The following ZNF547 variants were observed in gnomAD, a reference collection of about 807,000 sequenced individuals.
ZNF547 encodes the protein zinc finger protein 547.
Under a neutral mutation model 7.7 loss-of-function variants are expected in ZNF547, and 4 were observed. That is an observed-to-expected ratio of 0.52 (90% CI 0.26 to 1.20). The LOEUF is 1.20. ZNF547 is among the 50% of genes most tolerant of loss of function. The probability of loss-of-function intolerance (pLI) is 0.14; values close to 1 mark genes in which losing one functional copy is unlikely to be tolerated. For synonymous variants in ZNF547, 166 were observed against 166.2 expected, an observed-to-expected ratio of 1.00 and a Z score of 0.01; for missense variants, 449 against 485.8, an observed-to-expected ratio of 0.92 and a Z score of 0.71.
chr19:57,369,899 C>CTTTTTTTTTGTTTTTTTTTTTT (rs2088493828), intron 2 of ZNF547, among the ~76,000 whole-genome samples: 1 of 51,678 alleles, frequency 1.9e-5, no homozygotes, highest in African/African-American at 7.8e-5. Context: ...ACTCACAGTT[C>CTTTTTTTTTGTTTTTTTTTTTT]TTTTTTTTTT....
At chr19:57,374,985 G>C (rs888344012) in intron 3 of ZNF547, among the ~76,000 whole-genome samples, 2 of 152,008 alleles carry the variant, frequency 1.3e-5, no homozygotes, top group African/African-American at 2.4e-5. Flanking sequence ...CCACATTTTC[G>C]GGTATCCTTA....
At chr19:57,364,496 A>C (rs2088448148) in intron 1 of ZNF547, 3 of 368,588 alleles carry the variant, frequency 8.1e-6, no homozygotes, top group Non-Finnish European at 1.5e-5. Flanking sequence ...TAATCCCAGC[A>C]CTTTGGGAGG....
Position 57,377,874 on chromosome 19 carries a change from G to T in ZNF547, c.898G>T (p.Glu300Ter), listed in dbSNP as rs765554171. 17 of 1,613,146 alleles carry T rather than the reference G, an allele frequency of 1.1e-5. No individual in the cohort carries two copies. Among genetic ancestry groups the T allele is most frequent in the Non-Finnish European group, 3.4e-6 (4 of 1,179,814 alleles). Residue 300 changes from glutamate (E) to a stop codon, truncating the protein, a stop_gained, in exon 4 of 4, where the codon GAA becomes TAA. Transcript: ENST00000282282. LOFTEE classifies it low-confidence loss of function (END_TRUNC). ...AGGAAAAAGGTCTTATGGTTGCAGT[G>T]AATGTGGGAAATTCTTTATGGAAAG... ...HTGKRSYGCS[E>*]CGKFFMERST...
chr19:57,364,725 A>G, intron 1 of ZNF547: 1 of 924,454 alleles, frequency 1.1e-6, no homozygotes, highest in South Asian at 1.5e-5. Flanking sequence ...TGGGCGACAG[A>G]GCGAGATTCC....
intron 2 of ZNF547, 44 bp downstream of exon 2, chr19:57,368,623 A>AT: frequency 6.2e-7 from 1 of 1,609,586 alleles, no homozygotes; most frequent in South Asian, 1.1e-5. Context: ...GTTATCTCAT[A>AT]GATGGTTTTG....
At position 57,363,567 on chromosome 19, in the gene ZNF547, G is replaced by A. The variant is rs781713961; in HGVS notation, c.-149G>A. The A allele has an allele frequency of 5.2e-5, 8 of 152,738 alleles. No individual in the cohort carries two copies. Among genetic ancestry groups the A allele is most frequent in the African/African-American group, 1.9e-4 (8 of 41,468 alleles). 9.5% of individuals were successfully genotyped at this position (152,738 alleles called of 1,614,324 possible). A position where few individuals can be genotyped will look rare whatever the true frequency, so the allele number is the denominator to read the frequency against. Reference sequence around the variant, plus strand: ...TGGTTCCTTGTACGCAGAGGCGGTAGTGACACAGGCACAACTGACAGTGGC... The same window carrying A: ...TGGTTCCTTGTACGCAGAGGCGGTAATGACACAGGCACAACTGACAGTGGC... On this transcript the variant is annotated 5_prime_UTR_variant, in exon 1 of 4. The change creates a new upstream start codon in the 5' untranslated region. Coordinates refer to ENST00000282282, the MANE Select transcript of ZNF547 (RefSeq NM_173631.4).
At chr19:57,366,218 G>A (rs2088468656) in intron 1 of ZNF547, among the ~76,000 whole-genome samples, 2 of 147,660 alleles carry the variant, frequency 1.4e-5, no homozygotes, top group Admixed American at 1.4e-4. Context: ...GTGTGTGTAT[G>A]TTTTTGTTTT....
rs2088543345 is a variant in ZNF547, at chr19:57,377,408, GA to G, written c.434del (p.Lys145ArgfsTer191). 6.2e-7 allele frequency: 1 copy of G among 1,614,250 alleles called. No homozygotes were observed. The highest frequency in any genetic ancestry group is 8.5e-7 in the Non-Finnish European group (1 of 1,180,040). ...RGDGGRPTFV[K>X]NHRVHMAGKT... ...GGGATGGAGGAAGACCGACATTTGT[GA>G]AGAACCACAGAGTTCACATGGCAGG... On this transcript the variant is annotated frameshift_variant, in exon 4 of 4. Transcript: ENST00000282282. LOFTEE classifies it low-confidence loss of function (END_TRUNC).
intron 2 of ZNF547, 95 bp from the exon 3 acceptor site, chr19:57,371,687 T>C (rs1600077221): frequency 2.0e-6 from 3 of 1,511,334 alleles, no homozygotes; most frequent in East Asian, 4.6e-5. Context: ...TCCCTGTGTT[T>C]AATGGGTGGT....
intron 3 of ZNF547, among the ~76,000 whole-genome samples, chr19:57,376,344 C>G (rs1281283626): frequency 6.6e-6 from 1 of 152,048 alleles, no homozygotes; most frequent in African/African-American, 2.4e-5. Flanking sequence ...CATATTGTTT[C>G]CAGACCAAAC....
intron 2 of ZNF547, among the ~76,000 whole-genome samples, chr19:57,371,312 G>A (rs1224255884): frequency 6.6e-6 from 1 of 152,212 alleles, no homozygotes; most frequent in African/African-American, 2.4e-5. Context: ...CAATGACACT[G>A]AAAGAAGATA....
chr19:57,375,393 G>T (rs773104870), intron 3 of ZNF547, among the ~76,000 whole-genome samples: 1 of 150,552 alleles, frequency 6.6e-6, no homozygotes, highest in Non-Finnish European at 1.5e-5. Flanking sequence ...GCCCACTCCG[G>T]TAATCCCAGC....
chr19:57,378,459 A>G lies in ZNF547; in HGVS notation c.*274A>G, dbSNP rs1023079245. 3.2e-6 allele frequency: 2 copies of G among 616,158 alleles called. No homozygotes were observed. The highest frequency in any genetic ancestry group is 4.2e-5 in the Admixed American group (2 of 48,044). 38.2% of individuals were successfully genotyped at this position (616,158 alleles called of 1,614,324 possible). On this transcript the variant is annotated 3_prime_UTR_variant, in exon 4 of 4. Coordinates refer to ENST00000282282, the MANE Select transcript of ZNF547 (RefSeq NM_173631.4). ...TTTTCAATAAAGTAGAAAGTGGTAA[A>G]GATTCAACATGCAAGATTGTACTTA...
At chr19:57,370,287 A>G (rs2088496868) in intron 2 of ZNF547, among the ~76,000 whole-genome samples, 2 of 152,186 alleles carry the variant, frequency 1.3e-5, no homozygotes, top group African/African-American at 2.4e-5. Context: ...GAGTATGTGA[A>G]GTCCTCACAT....
At chr19:57,374,069 A>G (rs2088522011) in intron 3 of ZNF547, among the ~76,000 whole-genome samples, 1 of 150,750 alleles carries the variant, frequency 6.6e-6, no homozygotes, top group Non-Finnish European at 1.5e-5. Context: ...GTTCTCCGTG[A>G]GTTCCACCCC....
rs1335804409 is a variant in ZNF547, at chr19:57,377,240, C to T, written c.264C>T (p.Pro88=). The T allele has an allele frequency of 6.2e-7, 1 of 1,614,246 alleles. No individual in the cohort carries two copies. The highest frequency in any genetic ancestry group is 8.5e-7 in the Non-Finnish European group (1 of 1,180,052). The change falls in exon 4 of 4, where the codon CCC becomes CCT. Residue 88 remains proline, a synonymous_variant. Transcript: ENST00000282282. ...KPCLSTQNTQ[P]CETCSSLLKD... ...GTCTATCTACCCAGAATACCCAGCC[C>T]TGTGAGACATGTAGCTCACTTCTGA...
intron 3 of ZNF547, among the ~76,000 whole-genome samples, chr19:57,374,926 C>T (rs931887620): frequency 2.6e-5 from 4 of 152,192 alleles, no homozygotes; most frequent in African/African-American, 9.7e-5. Flanking sequence ...TCTGCTGAGC[C>T]CTCCAAACTG....
At chr19:57,374,353 G>T (rs1472956632) in intron 3 of ZNF547, among the ~76,000 whole-genome samples, 1 of 152,238 alleles carries the variant, frequency 6.6e-6, no homozygotes, top group Non-Finnish European at 1.5e-5. Flanking sequence ...CAGCTGGGAT[G>T]CAGGGCTCCA....
At position 57,378,509 on chromosome 19, in the gene ZNF547, G is replaced by T; in HGVS notation, c.*324G>T. 2.1e-6 allele frequency: 1 copy of T among 479,958 alleles called. No individual in the cohort carries two copies. Among genetic ancestry groups the T allele is most frequent in the Non-Finnish European group, 4.0e-6 (1 of 250,470 alleles). 29.7% of individuals were successfully genotyped at this position (479,958 alleles called of 1,614,324 possible). A position where few individuals can be genotyped will look rare whatever the true frequency, so the allele number is the denominator to read the frequency against. On this transcript the variant is annotated 3_prime_UTR_variant, in exon 4 of 4. Transcript: ENST00000282282. ...ATTGGGCTTCAGAATATCCACACTA[G>T]TGAAAGTCTTCTGAGTACAGCAAAT... is the stretch of plus-strand genomic sequence containing the variant.
Sources: allele counts gnomAD v4.1 joint callset (sites outside exome capture counted in the v4.1 genomes callset), GRCh38; gene constraint gnomAD v4.1.1; transcripts MANE v1.5; gene names NCBI Gene and HGNC (gene_info 2026-07-23, HGNC 2026-07-21).